SLC17A7: variants seen among roughly 807,000 people sequenced by gnomAD.
SLC17A7 encodes the protein solute carrier family 17 member 7.
In SLC17A7, 15 loss-of-function variants were observed where a neutral mutation model predicts 59.1. The ratio of observed to expected loss-of-function variants is 0.25; its 90% confidence interval spans 0.17 to 0.39. The LOEUF (loss-of-function observed/expected upper bound fraction) is 0.39. Ranked by LOEUF, SLC17A7 falls within the 10% of genes least tolerant of loss-of-function variation. The pLI is 1.00. For synonymous variants in SLC17A7, 353 were observed against 308.9 expected (o/e 1.14, Z -1.50); for missense variants, 499 against 765.1 (o/e 0.65, Z 4.10).
At position 49,436,708 on chromosome 19, in the gene SLC17A7, C is replaced by T; in HGVS notation, c.156G>A (p.Val52=). ...VTTQTRDPPV[V]DCTCFGLPRR... ...GAGGGAGGCCGAAGCAGGTGCAGTC[C>T]ACCACCGGCGGGTCCCGGGTCTGCG... Residue 52 remains valine (V), a synonymous_variant, in exon 2 of 12, where the codon GTG becomes GTA. Coordinates refer to ENST00000221485, the MANE Select transcript of SLC17A7 (RefSeq NM_020309.4). The surrounding 1 kb of genome is among the most constrained non-coding windows in gnomAD (Gnocchi z 4.1). The T allele has an allele frequency of 1.2e-6, 2 of 1,613,348 alleles. No individual in the cohort carries two copies. Among genetic ancestry groups the T allele is most frequent in the Non-Finnish European group, 1.7e-6 (2 of 1,179,952 alleles).
rs151019849 is a variant in SLC17A7, at chr19:49,440,074, T to A, written c.62+1244A>T. Among the ~76,000 whole-genome samples, 546 of 152,178 alleles carry A rather than the reference T, an allele frequency of 3.6e-3. 3 individuals carry two copies. Among genetic ancestry groups the A allele is most frequent in the African/African-American group, 0.013 (531 of 41,522 alleles). Reference sequence around the variant, plus strand: ...CTCAGCTTCCCCTCCACCACCAACCTCCGTCACTGCACCATCCTCCTGCCC... The same window carrying A: ...CTCAGCTTCCCCTCCACCACCAACCACCGTCACTGCACCATCCTCCTGCCC... On this transcript the variant is annotated intron_variant, in intron 1 of 11. Transcript: ENST00000221485.
rs990263659 is a variant in SLC17A7 at position 49,430,607 on chromosome 19, C to T, written c.1595G>A (p.Gly532Glu). 1.2e-6 allele frequency: 2 copies of T among 1,613,740 alleles called. No individual in the cohort carries two copies. Among genetic ancestry groups the T allele is most frequent in the South Asian group, 2.2e-5 (2 of 91,062 alleles). The change falls in exon 12 of 12, where the codon GGG becomes GAG. Residue 532 changes from glycine (G) to glutamate (E), a missense_variant. Physicochemically the swap from Gly to Glu is moderately conservative, Grantham distance 98. Transcript: ENST00000221485. ...GGAGGGCGGGGGTGCAGGGGGTGCC[C>T]CCGGGGGCTCAGCCTCATCCTCCAT... ...SEMEDEAEPPGAPPAPPPSYG... is the reference protein window; with the variant it reads ...SEMEDEAEPPEAPPAPPPSYG...
intron 1 of SLC17A7, chr19:49,438,186 G>A (rs1215989412): frequency 2.6e-5 from 4 of 152,520 alleles, no homozygotes; most frequent in African/African-American, 4.8e-5. Context: ...GAAATAGGGG[G>A]ACAGAGACCC....
intron 2 of SLC17A7, chr19:49,435,519 A>G: frequency 2.3e-6 from 1 of 436,588 alleles, no homozygotes; most frequent in South Asian, 3.3e-5. Flanking sequence ...ATCACCACCT[A>G]GACGCCTTGC....
chr19:49,434,534 G>C (rs1313113862), intron 5 of SLC17A7, 68 bp downstream of exon 5: 40 of 1,134,296 alleles, frequency 3.5e-5, no homozygotes, highest in Non-Finnish European at 4.4e-5. Context: ...TCCCCGCTCA[G>C]ACCCAACAGT....
In SLC17A7 at chr19:49,433,777, C is replaced by T. The variant is rs975754458; in HGVS notation, c.816G>A (p.Lys272=). 5.0e-6 allele frequency: 8 copies of T among 1,614,098 alleles called. No homozygotes were observed. Among genetic ancestry groups the T allele is most frequent in the Admixed American group, 1.7e-5 (1 of 60,014 alleles). Residue 272 remains lysine, a synonymous_variant, in exon 7 of 12, where the codon AAG becomes AAA. Transcript: ENST00000221485. The surrounding 1 kb of genome is among the most constrained non-coding windows in gnomAD (Gnocchi z 5.7). ...TCTCTCCGATGGCGTCCTCGATGTA[C>T]TTGCGCTCCTCCTCCGAGATGCTGG... ...LHPSISEEER[K]YIEDAIGESA...
chr19:49,432,850 G>A lies in SLC17A7; in HGVS notation c.978C>T (p.Pro326=). 6.3e-7 allele frequency: 1 copy of A among 1,592,298 alleles called. No individual in the cohort carries two copies. Among genetic ancestry groups the A allele is most frequent in the Non-Finnish European group, 8.6e-7 (1 of 1,169,140 alleles). ...WTFYLLLISQ[P]AYFEEVFGFE... ...AGCCGAACACTTCTTCGAAGTAGGC[G>A]GGCTGGGAGATGAGCAGCAGGTAGA... The change falls in exon 8 of 12, where the codon CCC becomes CCT. Residue 326 remains proline, a synonymous_variant. Transcript: ENST00000221485.
rs1290141388 is a variant in SLC17A7 at position 49,437,875 on chromosome 19, G to A, written c.63-1074C>T. On this transcript the variant is annotated intron_variant, in intron 1 of 11. Transcript: ENST00000221485. ...AGGAACAGAGACCCAGATAGAGAGGGGGACAGAGACCCAGAGAGAGGGAGA... is the reference window on the plus strand; with the variant it reads ...AGGAACAGAGACCCAGATAGAGAGGAGGACAGAGACCCAGAGAGAGGGAGA... The A allele has an allele frequency of 2.7e-5, 4 of 149,146 alleles. No homozygotes were observed. In the East Asian group the frequency reaches 7.9e-4, roughly 29 times the overall value. The allele number at this position is 149,146 out of a possible 1,614,324, so 9.2% of individuals were successfully genotyped here. A position where few individuals can be genotyped will look rare whatever the true frequency, so the allele number is the denominator to read the frequency against.
chr19:49,441,386 G>A lies in SLC17A7; in HGVS notation c.-7C>T, dbSNP rs777715098. On this transcript the variant is annotated 5_prime_UTR_variant, in exon 1 of 12. Coordinates refer to ENST00000221485, the MANE Select transcript of SLC17A7 (RefSeq NM_020309.4). ...CCTCCTGGCGGAACTCCATGGTGGC[G>A]GCTCCTGCCGCCGGTCACCCCGCGG... The A allele has an allele frequency of 6.4e-7, 1 of 1,552,052 alleles. No homozygotes were observed. Among genetic ancestry groups the A allele is most frequent in the Non-Finnish European group, 8.7e-7 (1 of 1,155,792 alleles).
Position 49,431,509 on chromosome 19 carries a change from C to T in SLC17A7, c.1151-61G>A, listed in dbSNP as rs1263894542. 5 of 1,393,572 alleles carry T rather than the reference C, an allele frequency of 3.6e-6. No homozygotes were observed. Among genetic ancestry groups the T allele is most frequent in the East Asian group, 4.7e-5 (2 of 42,748 alleles). 86.3% of individuals were successfully genotyped at this position (1,393,572 alleles called of 1,614,324 possible). The stretch of plus-strand genomic sequence containing the variant: ...TCGGCCGGAGCAAGGCGCAGGCTGC[C>T]CCACACCGCCCTTCCAGACCTGCTC... On this transcript the variant is annotated intron_variant, in intron 9 of 11. Coordinates refer to ENST00000221485, the MANE Select transcript of SLC17A7 (RefSeq NM_020309.4). This position sits in a 1 kb window ranked among gnomAD's most constrained non-coding sequence, Gnocchi z 4.6.
Position 49,436,612 on chromosome 19 carries a change from G to A in SLC17A7, c.252C>T (p.Gly84=), listed in dbSNP as rs778279990. ...CISFGIRCNL[G]VAIVSMVNNS... ...TATTGACCATGGAGACGATGGCCAC[G>A]CCCAGGTTGCAGCGGATGCCAAAGC... Residue 84 remains glycine, a synonymous_variant, in exon 2 of 12, where the codon GGC becomes GGT. Transcript: ENST00000221485. The surrounding 1 kb of genome is among the most constrained non-coding windows in gnomAD (Gnocchi z 4.1). 6.2e-6 allele frequency: 10 copies of A among 1,614,000 alleles called. No homozygotes were observed. Among genetic ancestry groups the A allele is most frequent in the Non-Finnish European group, 5.9e-6 (7 of 1,179,984 alleles).
rs2078958363 is a variant in SLC17A7, at chr19:49,431,278, C to A, written c.1261+60G>T. Reference sequence around the variant, plus strand: ...GAGGCTGAGAGGCCCCGTTCCTGAGCCAGGAAGTTCCCTACAGAGCTGACC... The same window carrying A: ...GAGGCTGAGAGGCCCCGTTCCTGAGACAGGAAGTTCCCTACAGAGCTGACC... On this transcript the variant is annotated intron_variant, in intron 10 of 11. Coordinates refer to ENST00000221485, the MANE Select transcript of SLC17A7 (RefSeq NM_020309.4). The surrounding 1 kb of genome is among the most constrained non-coding windows in gnomAD (Gnocchi z 4.6). 1 of 1,590,232 alleles carries A rather than the reference C, an allele frequency of 6.3e-7. No homozygotes were observed. The highest frequency in any genetic ancestry group is 8.6e-7 in the Non-Finnish European group (1 of 1,162,880).
At chr19:49,440,715 G>A (rs1340591721) in intron 1 of SLC17A7, among the ~76,000 whole-genome samples, 1 of 152,192 alleles carries the variant, frequency 6.6e-6, no homozygotes, top group African/African-American at 2.4e-5. Context: ...AAGACACAGA[G>A]AGACGGAGAG....
At chr19:49,439,777 G>T (rs971134075) in intron 1 of SLC17A7, among the ~76,000 whole-genome samples, 1 of 152,174 alleles carries the variant, frequency 6.6e-6, no homozygotes, top group Non-Finnish European at 1.5e-5. Context: ...GGGGTCTCTG[G>T]GGACCCAAGA....
chr19:49,436,593 C>T lies in SLC17A7; in HGVS notation c.271G>A (p.Val91Ile). Reference protein sequence around the residue: ...CNLGVAIVSMVNNSTTHRGGH... With the variant: ...CNLGVAIVSMINNSTTHRGGH... The stretch of plus-strand genomic sequence containing the variant: ...CCGCGGTGGGTCGTGCTGTTATTGA[C>T]CATGGAGACGATGGCCACGCCCAGG... Residue 91 changes from valine to isoleucine, a missense_variant, in exon 2 of 12, where the codon GTC becomes ATC. Transcript: ENST00000221485. The surrounding 1 kb of genome is among the most constrained non-coding windows in gnomAD (Gnocchi z 4.1). 6.2e-7 allele frequency: 1 copy of T among 1,613,936 alleles called. No individual in the cohort carries two copies. Among genetic ancestry groups the T allele is most frequent in the Non-Finnish European group, 8.5e-7 (1 of 1,179,968 alleles).
chr19:49,435,347 C>T (rs1223646123), intron 2 of SLC17A7, 61 bp from the exon 3 acceptor site: 3 of 1,196,288 alleles, frequency 2.5e-6, no homozygotes, highest in South Asian at 1.2e-5. Flanking sequence ...CTCCACCAAT[C>T]AGCACCCACA....
chr19:49,433,065 G>T lies in SLC17A7; in HGVS notation c.868-105C>A. 1.6e-6 allele frequency: 2 copies of T among 1,242,604 alleles called. No individual in the cohort carries two copies. The highest frequency in any genetic ancestry group is 2.2e-6 in the Non-Finnish European group (2 of 894,494). The allele number at this position is 1,242,604 out of a possible 1,614,324, so 77.0% of individuals were successfully genotyped here. On this transcript the variant is annotated intron_variant, in intron 7 of 11. Coordinates refer to ENST00000221485, the MANE Select transcript of SLC17A7 (RefSeq NM_020309.4). This position sits in a 1 kb window ranked among gnomAD's most constrained non-coding sequence, Gnocchi z 5.7. ...AGTTCTGCAGAAACCAAAGGATCCC[G>T]ACCGCACTGAAACTTCTATGGACCC...
Position 49,434,657 on chromosome 19 carries a change from C to T in SLC17A7, c.582G>A (p.Trp194Ter). 1 of 1,613,936 alleles carries T rather than the reference C, an allele frequency of 6.2e-7. No individual in the cohort carries two copies. Among genetic ancestry groups the T allele is most frequent in the Non-Finnish European group, 8.5e-7 (1 of 1,179,954 alleles). Residue 194 changes from tryptophan to a stop codon, truncating the protein, a stop_gained, in exon 5 of 12, where the codon TGG becomes TGA. Coordinates refer to ENST00000221485, the MANE Select transcript of SLC17A7 (RefSeq NM_020309.4). LOFTEE classifies it high-confidence loss of function. ...GTTCTAAGGGTGGGGCCCATTTGCT[C>T]CAGATCCCATGGCAGGCGGGGTATG... Reference protein sequence around the residue: ...GVTYPACHGIWSKWAPPLERS... With the variant: ...GVTYPACHGI
At position 49,429,975 on chromosome 19, in the gene SLC17A7, G is replaced by A. The variant is rs1389286678; in HGVS notation, c.*544C>T. 1.1e-5 allele frequency: 2 copies of A among 177,970 alleles called. No individual in the cohort carries two copies. Among genetic ancestry groups the A allele is most frequent in the East Asian group, 1.4e-4 (1 of 7,244 alleles). 11.0% of individuals were successfully genotyped at this position (177,970 alleles called of 1,614,324 possible). A position where few individuals can be genotyped will look rare whatever the true frequency, so the allele number is the denominator to read the frequency against. On this transcript the variant is annotated 3_prime_UTR_variant, in exon 12 of 12. Transcript: ENST00000221485. ...GGCACGGAATCGGGGACTTGAAACC[G>A]CCATTTTCCATCAGAAACGCTGGTG...
Sources: gnomAD v4.1 joint callset for allele counts (sites outside exome capture counted in the v4.1 genomes callset) on GRCh38, gnomAD v4.1.1 for gene constraint, Gnocchi (gnomAD v3.1) non-coding constraint, MANE v1.5 for transcripts, NCBI Gene and HGNC (gene_info 2026-07-23, HGNC 2026-07-21) for gene names.